MEST: variants seen among roughly 807,000 people sequenced by gnomAD.
MEST encodes mesoderm-specific transcript homolog protein.
A neutral mutation model predicts 50.9 loss-of-function variants in MEST; 18 were observed. That is an observed-to-expected ratio of 0.35 (90% CI 0.24 to 0.52). The LOEUF is 0.52. MEST is among the 20% of genes least tolerant of loss of function. The pLI is 0.94. For synonymous variants in MEST, 130 were observed against 154.1 expected (o/e 0.84, Z 1.16); for missense variants, 282 against 425.3 (o/e 0.66, Z 2.96).
Position 130,497,139 on chromosome 7 carries a change from A to C in MEST, c.182-17A>C, listed in dbSNP as rs1020086658. The C allele has an allele frequency of 6.2e-7, 1 of 1,602,618 alleles. No individual in the cohort carries two copies. Among genetic ancestry groups the C allele is most frequent in the African/African-American group, 1.3e-5 (1 of 74,432 alleles). ...ATAGGGATTTGGCATAATTGATTGT[A>C]CTTTCCTTCTTCCTAGACTCTGTGG... On this transcript the variant is annotated splice_polypyrimidine_tract_variant and intron_variant, in intron 2 of 11. Transcript: ENST00000223215. This position sits in a 1 kb window ranked among gnomAD's most constrained non-coding sequence, Gnocchi z 4.0.
chr7:130,499,477 G>C (rs1224270594), intron 6 of MEST, among the ~76,000 whole-genome samples: 1 of 152,180 alleles, frequency 6.6e-6, no homozygotes, highest in Non-Finnish European at 1.5e-5. Flanking sequence ...CTGGTTATCA[G>C]CATTTTGGAT....
At chr7:130,494,749 A>G (rs1212333253) in intron 1 of MEST, 1 of 665,714 alleles carries the variant, frequency 1.5e-6, no homozygotes, top group Non-Finnish European at 1.9e-6. Flanking sequence ...GTTTACCCTG[A>G]GCAGTTTCTC....
At chr7:130,490,570 GAAT>G (rs1156436897), upstream of MEST, among the ~76,000 whole-genome samples, 5 of 152,202 alleles carry the variant, frequency 3.3e-5, no homozygotes, top group African/African-American at 1.2e-4. Context: ...TACAAAAGGT[GAAT>G]AATACTTGGG....
Position 130,500,745 on chromosome 7 carries a change from G to T in MEST, c.648-44G>T. 6.6e-7 allele frequency: 1 copy of T among 1,526,626 alleles called. No homozygotes were observed. The highest frequency in any genetic ancestry group is 1.2e-5 in the South Asian group (1 of 82,922). The allele number at this position is 1,526,626 out of a possible 1,614,324, so 94.6% of individuals were successfully genotyped here. On this transcript the variant is annotated intron_variant, in intron 8 of 11. Coordinates refer to ENST00000223215, the MANE Select transcript of MEST (RefSeq NM_002402.4). This position sits in a 1 kb window ranked among gnomAD's most constrained non-coding sequence, Gnocchi z 5.0. ...AGGTTCCAGCCATATTGAACATTCTGAGTTCTCCTCACACTTATCTTCCTG... is the reference window on the plus strand; with the variant it reads ...AGGTTCCAGCCATATTGAACATTCTTAGTTCTCCTCACACTTATCTTCCTG...
intron 6 of MEST, chr7:130,498,806 CAGA>C (rs1169030078): frequency 7.2e-6 from 3 of 416,940 alleles, no homozygotes; most frequent in African/African-American, 6.1e-5. Context: ...ACAGCTATAT[CAGA>C]AGGAGTGAGG....
rs34288832 is a variant in MEST at position 130,505,373 on chromosome 7, CT to C, written c.*325del. ...GAAAGACGTTCTTTTGCATAAAAGA[CT>C]TTTTTTTAACACTTTGGACTTCTCT... is the stretch of plus-strand genomic sequence containing the variant. On this transcript the variant is annotated 3_prime_UTR_variant, in exon 12 of 12. Transcript: ENST00000223215. The C allele has an allele frequency of 0.45, 80,154 of 176,440 alleles. 20,579 individuals are homozygous for C. Among genetic ancestry groups the C allele is most frequent in the East Asian group, 0.58 (4,084 of 7,082 alleles). The allele number at this position is 176,440 out of a possible 1,614,324, so 10.9% of individuals were successfully genotyped here.
At chr7:130,503,859 A>C in intron 10 of MEST, 74 bp from the exon 11 acceptor site, 1 of 1,072,168 alleles carries the variant, frequency 9.3e-7, no homozygotes, top group Non-Finnish European at 1.4e-6. Flanking sequence ...CTTTTCGGAG[A>C]GGAGTTAATT....
intron 1 of MEST, among the ~76,000 whole-genome samples, chr7:130,493,003 A>G (rs1050621397): frequency 6.6e-6 from 1 of 152,156 alleles, no homozygotes; most frequent in African/African-American, 2.4e-5. Context: ...GGCGCACCTT[A>G]GGATTTCAAG....
chr7:130,487,518 A>G (rs533239957), upstream of MEST: 3 of 152,324 alleles, frequency 2.0e-5, no homozygotes, highest in East Asian at 1.9e-4. Flanking sequence ...GTAAGAGATT[A>G]TTCAGTTCCA....
In MEST at chr7:130,498,226, C is replaced by T; in HGVS notation, c.427C>T (p.Leu143Phe). Residue 143 changes from leucine (L) to phenylalanine (F), a missense_variant, in exon 5 of 12, where the codon CTT becomes TTT. Transcript: ENST00000223215. ...HLGLQNRRIN[L>F]LSHDYGDIVA... is the part of the protein sequence containing the mutation. ...GGGGCTCCAGAACCGCAGGATCAAC[C>T]TTCTTTCTCATGACTATGGAGATAT... The T allele has an allele frequency of 6.2e-7, 1 of 1,614,216 alleles. No homozygotes were observed.
At chr7:130,503,784 C>T (rs1799367295) in intron 10 of MEST, 149 bp from the exon 11 acceptor site, 5 of 606,992 alleles carry the variant, frequency 8.2e-6, no homozygotes, top group Non-Finnish European at 1.5e-5. Flanking sequence ...CCACTGCACT[C>T]CAGCCTGAGC....
upstream of MEST, among the ~76,000 whole-genome samples, chr7:130,490,470 T>A (rs1180108053): frequency 2.6e-5 from 4 of 152,134 alleles, no homozygotes; most frequent in Non-Finnish European, 5.9e-5. Context: ...AATTACTTCC[T>A]CCCCTGTGCG....
chr7:130,488,941 C>A (rs1376605436), upstream of MEST: 1 of 152,138 alleles, frequency 6.6e-6, no homozygotes, highest in Admixed American at 6.5e-5. Flanking sequence ...CAACCAAAAC[C>A]CCTTCGTTAA....
rs1460882377 is a variant in MEST at position 130,505,868 on chromosome 7, A to G, written c.*812A>G. 1.3e-5 allele frequency: 2 copies of G among 152,214 alleles called. No homozygotes were observed. Among genetic ancestry groups the G allele is most frequent in the African/African-American group, 4.8e-5 (2 of 41,460 alleles). The allele number at this position is 152,214 out of a possible 1,614,324, so 9.4% of individuals were successfully genotyped here. A position where few individuals can be genotyped will look rare whatever the true frequency, so the allele number is the denominator to read the frequency against. ...ATTAGCTGGGAAGACCAATTCTAAC[A>G]GCAAATAACAGTCTGAGACTCCTCA... On this transcript the variant is annotated 3_prime_UTR_variant, in exon 12 of 12. Coordinates refer to ENST00000223215, the MANE Select transcript of MEST (RefSeq NM_002402.4).
chr7:130,492,418 C>T lies in MEST; in HGVS notation c.26+79C>T, dbSNP rs1554435635. 3.4e-6 allele frequency: 4 copies of T among 1,168,942 alleles called. No homozygotes were observed. The highest frequency in any genetic ancestry group is 3.2e-5 in the East Asian group (1 of 31,518). The allele number at this position is 1,168,942 out of a possible 1,614,324, so 72.4% of individuals were successfully genotyped here. ...GCAGGCGAGCGGAGGACTGTGTGCC[C>T]GTGTCCGAGCTGGGGCTGCCTCTGG... On this transcript the variant is annotated intron_variant, in intron 1 of 11. Transcript: ENST00000223215. This position sits in a 1 kb window ranked among gnomAD's most constrained non-coding sequence, Gnocchi z 7.6.
Position 130,497,694 on chromosome 7 carries a change from A to G in MEST, c.262-242A>G. ...TGTTCCTTATTTACTGAAGGGAATA[A>G]ACAACTCCTTGGCACTCTGGAAGGG... On this transcript the variant is annotated intron_variant, in intron 3 of 11. Transcript: ENST00000223215. The surrounding 1 kb of genome is among the most constrained non-coding windows in gnomAD (Gnocchi z 4.0). 1.8e-6 allele frequency: 1 copy of G among 554,608 alleles called. No individual in the cohort carries two copies. Among genetic ancestry groups the G allele is most frequent in the Non-Finnish European group, 3.2e-6 (1 of 310,300 alleles). 34.4% of individuals were successfully genotyped at this position (554,608 alleles called of 1,614,324 possible). A position where few individuals can be genotyped will look rare whatever the true frequency, so the allele number is the denominator to read the frequency against.
At chr7:130,486,538 G>C in intron 1 of MEST, 1 of 152,708 alleles carries the variant, frequency 6.5e-6, no homozygotes, top group Non-Finnish European at 1.5e-5. Flanking sequence ...GCGTGGCCCA[G>C]GAGGCGTGAG....
chr7:130,496,798 T>C (rs1799078308), intron 2 of MEST: 1 of 176,630 alleles, frequency 5.7e-6, no homozygotes, highest in Admixed American at 6.1e-5. Flanking sequence ...GTTTATGTGT[T>C]GTGATCATAT....
chr7:130,498,389 T>C (rs782026599), intron 5 of MEST, 30 bp from the exon 6 acceptor site: 12 of 1,613,838 alleles, frequency 7.4e-6, no homozygotes, highest in Admixed American at 5.0e-5. Context: ...TTTGCTCAGC[T>C]ACATGTGTGT....
Sources: allele counts gnomAD v4.1 joint callset (sites outside exome capture counted in the v4.1 genomes callset), GRCh38; gene constraint gnomAD v4.1.1; non-coding constraint Gnocchi (gnomAD v3.1); transcripts MANE v1.5; gene names NCBI Gene and HGNC (gene_info 2026-07-23, HGNC 2026-07-21).